Variants in THSD7A observed in about 807,000 individuals in gnomAD.
THSD7A encodes thrombospondin type 1 domain containing 7A, also known as thrombospondin type-1 domain-containing protein 7A.
A neutral mutation model predicts 231.3 loss-of-function variants in THSD7A; 96 were observed. The ratio of observed to expected loss-of-function variants is 0.41; its 90% CI spans 0.35 to 0.49. The LOEUF (loss-of-function observed/expected upper bound fraction) is 0.49, where lower values mean the gene tolerates loss of function less well. Ranked by LOEUF, THSD7A falls within the 20% of genes least tolerant of loss-of-function variation. The pLI, the probability that THSD7A is intolerant of heterozygous loss-of-function variation, is 0.05. For missense variants in THSD7A, 2,290 were observed against 2,070.2 expected (o/e 1.11, Z -2.06); for synonymous variants, 940 against 743.3 (o/e 1.26, Z -4.30).
intron 2 of THSD7A, among the ~76,000 whole-genome samples, chr7:11,622,123 A>T (rs1272469977): frequency 6.6e-6 from 1 of 152,118 alleles, no homozygotes; most frequent in African/African-American, 2.4e-5. Context: ...TACAAAGTAA[A>T]CATTTATCTT....
intron 4 of THSD7A, among the ~76,000 whole-genome samples, chr7:11,573,105 C>T (rs928425893): frequency 6.6e-6 from 1 of 152,074 alleles, no homozygotes; most frequent in African/African-American, 2.4e-5. Flanking sequence ...CTTCTGGGAC[C>T]ATAGTCTTTC....
chr7:11,527,541 C>A (rs1788528773), intron 6 of THSD7A, among the ~76,000 whole-genome samples: 1 of 152,132 alleles, frequency 6.6e-6, no homozygotes, highest in African/African-American at 2.4e-5. Flanking sequence ...AATCCTCTTC[C>A]AACTAGATTT....
At position 11,828,026 on chromosome 7, in the gene THSD7A, T is replaced by C. The variant is rs1176121664; in HGVS notation, c.190+3731A>G. Reference sequence around the variant, plus strand: ...TCTACTCACTCTTCACTATAACTTCTATTGTCGGAGTTCTGTTTCCCTTTG... The same window carrying C: ...TCTACTCACTCTTCACTATAACTTCCATTGTCGGAGTTCTGTTTCCCTTTG... On this transcript the variant is annotated intron_variant, in intron 1 of 27. Transcript: ENST00000423059. 2.6e-5 allele frequency among the ~76,000 whole-genome samples: 4 copies of C among 152,316 alleles called. No homozygotes were observed. In the East Asian group the frequency reaches 7.7e-4, roughly 29 times the overall value.
intron 1 of THSD7A, among the ~76,000 whole-genome samples, chr7:11,642,303 G>A (rs1487454934): frequency 1.3e-5 from 2 of 152,074 alleles, no homozygotes; most frequent in Non-Finnish European, 2.9e-5. Context: ...ATTATCATTG[G>A]TTCAAAAATT....
intron 5 of THSD7A, 76 bp from the exon 6 acceptor site, chr7:11,541,707 G>T: frequency 7.2e-7 from 1 of 1,390,392 alleles, no homozygotes. Flanking sequence ...TAAAACCTCA[G>T]AGTAAAAGTT....
chr7:11,444,423 G>C lies in THSD7A; in HGVS notation c.3064+1638C>G, dbSNP rs1339099075. On this transcript the variant is annotated intron_variant, in intron 13 of 27. Coordinates refer to ENST00000423059, the MANE Select transcript of THSD7A (RefSeq NM_015204.3). This position sits in a 1 kb window ranked among gnomAD's most constrained non-coding sequence, Gnocchi z 4.2. ...CCCAAATGCTCATCAATGATATACT[G>C]GATAAAGAAAATGTGGCACATATAC... Among the ~76,000 whole-genome samples, 2 of 151,920 alleles carry C rather than the reference G, an allele frequency of 1.3e-5. No individual in the cohort carries two copies. The highest frequency in any genetic ancestry group is 2.9e-5 in the Non-Finnish European group (2 of 67,962).
At chr7:11,694,311 A>G (rs917061295) in intron 1 of THSD7A, among the ~76,000 whole-genome samples, 4 of 151,556 alleles carry the variant, frequency 2.6e-5, no homozygotes, top group African/African-American at 9.7e-5. Context: ...TGTTTTTCCC[A>G]GGCCACCAGA....
chr7:11,802,187 T>C (rs575176268), intron 1 of THSD7A, among the ~76,000 whole-genome samples: 17 of 152,172 alleles, frequency 1.1e-4, no homozygotes, highest in Non-Finnish European at 2.2e-4. Context: ...CCATCTCCTT[T>C]CCAAATCAAG....
At chr7:11,475,325 C>T (rs549286911) in intron 7 of THSD7A, among the ~76,000 whole-genome samples, 1 of 151,940 alleles carries the variant, frequency 6.6e-6, no homozygotes, top group African/African-American at 2.4e-5. Context: ...TTGGGGGTAC[C>T]GAATTGGAAC....
intron 1 of THSD7A, among the ~76,000 whole-genome samples, chr7:11,821,522 AAG>A (rs1784873578): frequency 6.6e-6 from 1 of 151,782 alleles, no homozygotes; most frequent in Admixed American, 6.6e-5. Flanking sequence ...TTCACCTCAA[AAG>A]AAAAAAAATA....
rs536277166 is a variant in THSD7A at position 11,739,530 on chromosome 7, T to C, written c.190+92227A>G. 1.2e-4 allele frequency among the ~76,000 whole-genome samples: 18 copies of C among 152,128 alleles called. No homozygotes were observed. In the East Asian group the frequency reaches 2.7e-3, roughly 23 times the overall value. On this transcript the variant is annotated intron_variant, in intron 1 of 27. Coordinates refer to ENST00000423059, the MANE Select transcript of THSD7A (RefSeq NM_015204.3). ...ATAGCCAGATGAGTACCATTCACTATCAGCCATTACATTCTAAAACATCAT... is the reference window on the plus strand; with the variant it reads ...ATAGCCAGATGAGTACCATTCACTACCAGCCATTACATTCTAAAACATCAT...
intron 1 of THSD7A, among the ~76,000 whole-genome samples, chr7:11,828,795 A>C (rs1294539655): frequency 1.3e-5 from 2 of 152,138 alleles, no homozygotes; most frequent in Non-Finnish European, 2.9e-5. Context: ...TGTATATATT[A>C]TATGTATACA....
chr7:11,529,761 T>A (rs762548557), intron 6 of THSD7A, among the ~76,000 whole-genome samples: 4 of 152,188 alleles, frequency 2.6e-5, no homozygotes, highest in African/African-American at 9.7e-5. Context: ...TCAGATAGTA[T>A]CTTTATAACA....
chr7:11,596,144 G>T (rs944702668), intron 2 of THSD7A, among the ~76,000 whole-genome samples: 1 of 152,168 alleles, frequency 6.6e-6, no homozygotes, highest in Non-Finnish European at 1.5e-5. Flanking sequence ...GGTCCCCTTG[G>T]GGAAGAACAC....
intron 1 of THSD7A, among the ~76,000 whole-genome samples, chr7:11,765,928 A>T (rs1482835073): frequency 6.6e-6 from 1 of 152,202 alleles, no homozygotes; most frequent in Non-Finnish European, 1.5e-5. Flanking sequence ...ATATACAAAA[A>T]TTATTTTTTA....
At chr7:11,463,974 G>A (rs1197455207) in intron 9 of THSD7A, among the ~76,000 whole-genome samples, 1 of 151,934 alleles carries the variant, frequency 6.6e-6, no homozygotes, top group Non-Finnish European at 1.5e-5. Flanking sequence ...TCTATTTTTT[G>A]CTTTGGTCAC....
intron 1 of THSD7A, among the ~76,000 whole-genome samples, chr7:11,796,601 C>A (rs1246112639): frequency 6.6e-6 from 1 of 150,514 alleles, no homozygotes; most frequent in Non-Finnish European, 1.5e-5. Flanking sequence ...TTTAGGTCTT[C>A]CTTTTCTCTT....
intron 1 of THSD7A, among the ~76,000 whole-genome samples, chr7:11,783,352 C>A (rs1362493598): frequency 6.6e-6 from 1 of 152,094 alleles, no homozygotes; most frequent in African/African-American, 2.4e-5. Flanking sequence ...ATATAATTTA[C>A]TGAAAGTGAA....
chr7:11,454,048 T>C (rs1785226773), intron 11 of THSD7A, among the ~76,000 whole-genome samples: 1 of 152,008 alleles, frequency 6.6e-6, no homozygotes, highest in Non-Finnish European at 1.5e-5. Context: ...TCAAAGTTTA[T>C]ACACTAGTGA....
Sources: allele counts gnomAD v4.1 joint callset (sites outside exome capture counted in the v4.1 genomes callset), GRCh38; gene constraint gnomAD v4.1.1; non-coding constraint Gnocchi (gnomAD v3.1); transcripts MANE v1.5; gene names NCBI Gene and HGNC (gene_info 2026-07-23, HGNC 2026-07-21).